Variants in SDK1 observed in about 807,000 individuals in gnomAD.
SDK1 encodes protein sidekick-1.
Under a neutral mutation model 245.5 loss-of-function variants are expected in SDK1, and 157 were observed. The observed-to-expected ratio is 0.64, with a 90% CI of 0.56 to 0.73. The LOEUF is 0.73. Among genes scored for constraint, SDK1 ranks in the 30% least tolerant of loss-of-function variants. SDK1 has a pLI of 0.00. For synonymous variants in SDK1, 1,647 were observed against 1,278.5 expected (o/e 1.29, Z -6.15); for missense variants, 3,583 against 3,002.3 (o/e 1.19, Z -4.52).
At chr7:3,543,131 C>T (rs1020307556) in intron 1 of SDK1, among the ~76,000 whole-genome samples, 3 of 152,144 alleles carry the variant, frequency 2.0e-5, no homozygotes, top group Non-Finnish European at 4.4e-5. Flanking sequence ...TCCAAAGTAA[C>T]GGAGGTTATG....
At chr7:3,831,037 C>G (rs1202551788) in intron 5 of SDK1, among the ~76,000 whole-genome samples, 2 of 152,102 alleles carry the variant, frequency 1.3e-5, no homozygotes, top group African/African-American at 4.8e-5. Flanking sequence ...CTCTCCTTGT[C>G]TCTGTAATTG....
intron 1 of SDK1, among the ~76,000 whole-genome samples, chr7:3,570,080 T>C (rs2141823): frequency 0.64 from 97,717 of 152,066 alleles, 32,255 homozygotes; most frequent in African/African-American, 0.79. Context: ...AACTGGCTCC[T>C]ACTTCTCTGT....
chr7:3,959,378 T>C (rs1379035579), intron 8 of SDK1, among the ~76,000 whole-genome samples: 1 of 151,892 alleles, frequency 6.6e-6, no homozygotes, highest in African/African-American at 2.4e-5. Flanking sequence ...TTCTCATCCA[T>C]GGGGTGACTA....
At chr7:3,441,835 G>A (rs993221589) in intron 1 of SDK1, among the ~76,000 whole-genome samples, 3 of 152,128 alleles carry the variant, frequency 2.0e-5, no homozygotes, top group Non-Finnish European at 4.4e-5. Context: ...ACCACTCAGT[G>A]TCACCGATCA....
chr7:3,810,347 T>C (rs1779354719), intron 4 of SDK1, among the ~76,000 whole-genome samples: 1 of 152,150 alleles, frequency 6.6e-6, no homozygotes, highest in Non-Finnish European at 1.5e-5. Context: ...CTTTTTTTTT[T>C]CCTGGAATTT....
At chr7:3,717,903 A>G (rs1459820684) in intron 4 of SDK1, among the ~76,000 whole-genome samples, 2 of 152,034 alleles carry the variant, frequency 1.3e-5, no homozygotes, top group Non-Finnish European at 2.9e-5. Flanking sequence ...ACACTTCCCA[A>G]TTCATGTTGT....
At chr7:3,941,432 C>T (rs1464807352) in intron 5 of SDK1, among the ~76,000 whole-genome samples, 5 of 152,058 alleles carry the variant, frequency 3.3e-5, no homozygotes, top group Non-Finnish European at 5.9e-5. Flanking sequence ...CTGCCTCCTC[C>T]GTGGCCAGCT....
intron 4 of SDK1, among the ~76,000 whole-genome samples, chr7:3,800,367 TTAC>T (rs1779076815): frequency 3.2e-5 from 4 of 125,974 alleles, no homozygotes; most frequent in Non-Finnish European, 7.0e-5. Flanking sequence ...ACTTACTTAC[TTAC>T]TTATTTATTT....
At chr7:3,741,119 C>T (rs1779463308) in intron 4 of SDK1, among the ~76,000 whole-genome samples, 1 of 152,192 alleles carries the variant, frequency 6.6e-6, no homozygotes, top group South Asian at 2.1e-4. Flanking sequence ...AAATTCCATC[C>T]TGCCACCTCC....
At chr7:3,686,152 T>G (rs1165368451) in intron 4 of SDK1, among the ~76,000 whole-genome samples, 1 of 152,212 alleles carries the variant, frequency 6.6e-6, no homozygotes, top group Non-Finnish European at 1.5e-5. Context: ...CTCGGCCCAC[T>G]GCAACCTCTA....
At chr7:3,514,327 G>A (rs1386755248) in intron 1 of SDK1, among the ~76,000 whole-genome samples, 1 of 152,108 alleles carries the variant, frequency 6.6e-6, no homozygotes, top group African/African-American at 2.4e-5. Flanking sequence ...GTTTTCTGTT[G>A]ATGAAACAAG....
chr7:3,913,542 C>T (rs190279260), intron 5 of SDK1, among the ~76,000 whole-genome samples: 19 of 152,096 alleles, frequency 1.2e-4, no homozygotes, highest in African/African-American at 4.3e-4. Context: ...ATCCACCCGC[C>T]TCGGCCTCCC....
chr7:4,130,137 C>T (rs1784705613), intron 27 of SDK1, 40 bp downstream of exon 27: 2 of 1,514,002 alleles, frequency 1.3e-6, no homozygotes, highest in Non-Finnish European at 8.9e-7. Context: ...CTTGCTGCCT[C>T]CCAGGTTGGC....
intron 1 of SDK1, among the ~76,000 whole-genome samples, chr7:3,493,572 A>C (rs946404842): frequency 3.3e-5 from 5 of 152,220 alleles, no homozygotes; most frequent in African/African-American, 1.2e-4. Context: ...AAGAAATGTG[A>C]CTTTCTTGCA....
chr7:3,492,816 A>C (rs891046120), intron 1 of SDK1, among the ~76,000 whole-genome samples: 1 of 152,288 alleles, frequency 6.6e-6, no homozygotes, highest in African/African-American at 2.4e-5. Context: ...TTGATTGAAC[A>C]GAGGACATAA....
chr7:4,027,618 C>T (rs1583871500), intron 17 of SDK1, among the ~76,000 whole-genome samples: 1 of 152,166 alleles, frequency 6.6e-6, no homozygotes, highest in Non-Finnish European at 1.5e-5. Context: ...TGAGTTTCCT[C>T]GGATTAACCA....
At chr7:3,851,456 T>G (rs1227867221) in intron 5 of SDK1, among the ~76,000 whole-genome samples, 1 of 152,218 alleles carries the variant, frequency 6.6e-6, no homozygotes, top group African/African-American at 2.4e-5. Context: ...CGTAATATGC[T>G]TCTTTGCATT....
At chr7:3,807,726 C>A (rs1265332134) in intron 4 of SDK1, among the ~76,000 whole-genome samples, 2 of 152,146 alleles carry the variant, frequency 1.3e-5, no homozygotes, top group Non-Finnish European at 2.9e-5. Flanking sequence ...CATTAAAGGA[C>A]TTGATGAGAG....
At chr7:3,493,012 G>T (rs963307654) in intron 1 of SDK1, among the ~76,000 whole-genome samples, 2 of 152,032 alleles carry the variant, frequency 1.3e-5, no homozygotes, top group African/African-American at 4.8e-5. Flanking sequence ...GTGCAGTGGC[G>T]TGATCTCTGC....
Sources: allele counts gnomAD v4.1 joint callset (sites outside exome capture counted in the v4.1 genomes callset), GRCh38; gene constraint gnomAD v4.1.1; transcripts MANE v1.5; gene names NCBI Gene and HGNC (gene_info 2026-07-23, HGNC 2026-07-21).